Variants in GUCY1A2 observed in about 807,000 individuals in gnomAD.
The protein encoded by GUCY1A2 is guanylate cyclase 1 soluble subunit alpha 2, also known as guanylate cyclase soluble subunit alpha-2.
In GUCY1A2, 27 loss-of-function variants were observed where a neutral mutation model predicts 63.5. The ratio of observed to expected loss-of-function variants is 0.43; its 90% CI spans 0.31 to 0.59. The LOEUF (loss-of-function observed/expected upper bound fraction) is 0.59. Among genes scored for constraint, GUCY1A2 ranks in the 20% least tolerant of loss-of-function variants. The pLI, the probability that GUCY1A2 is intolerant of heterozygous loss-of-function variation, is 0.11. For synonymous variants in GUCY1A2, 364 were observed against 343.5 expected (o/e 1.06, Z -0.66); for missense variants, 768 against 913.3 (o/e 0.84, Z 2.05).
chr11:106,820,880 GTTTA>G (rs1412286684), intron 4 of GUCY1A2, among the ~76,000 whole-genome samples: 1 of 152,050 alleles, frequency 6.6e-6, no homozygotes, highest in East Asian at 1.9e-4. Context: ...AATTCATATT[GTTTA>G]TTCATTAAAT....
intron 4 of GUCY1A2, among the ~76,000 whole-genome samples, chr11:106,921,661 A>G (rs996784815): frequency 2.0e-5 from 3 of 151,904 alleles, no homozygotes; most frequent in Non-Finnish European, 4.4e-5. Context: ...TAGTAATTTT[A>G]CCCCCTAGGG....
chr11:106,864,034 G>T (rs1000447682), intron 4 of GUCY1A2, among the ~76,000 whole-genome samples: 3 of 151,938 alleles, frequency 2.0e-5, no homozygotes, highest in Non-Finnish European at 4.4e-5. Context: ...GGGCATCTTT[G>T]AGACAGGGCA....
At chr11:106,981,227 A>G (rs910459900) in intron 2 of GUCY1A2, among the ~76,000 whole-genome samples, 7 of 152,224 alleles carry the variant, frequency 4.6e-5, no homozygotes, top group Admixed American at 1.3e-4. Flanking sequence ...TGTTTCTCAG[A>G]GTAATCAGAA....
chr11:106,707,439 C>G (rs112670365), intron 7 of GUCY1A2, among the ~76,000 whole-genome samples: 77 of 151,994 alleles, frequency 5.1e-4, no homozygotes, highest in South Asian at 1.0e-3. Flanking sequence ...ACTATTCCTA[C>G]TATACATTTT....
chr11:106,720,678 A>AAAAT (rs1351053652), intron 6 of GUCY1A2, among the ~76,000 whole-genome samples: 9 of 152,196 alleles, frequency 5.9e-5, no homozygotes, highest in Non-Finnish European at 8.8e-5. Context: ...AAGATTTTGA[A>AAAAT]AAATAACAGA....
At chr11:106,716,428 T>G (rs1390063537) in intron 6 of GUCY1A2, among the ~76,000 whole-genome samples, 1 of 152,178 alleles carries the variant, frequency 6.6e-6, no homozygotes, top group Non-Finnish European at 1.5e-5. Flanking sequence ...GTGCAGACTT[T>G]ATATCCAATC....
In GUCY1A2 at chr11:106,753,325, C is replaced by T. The variant is rs919616774; in HGVS notation, c.1836+23114G>A. On this transcript the variant is annotated intron_variant, in intron 6 of 7. Coordinates refer to ENST00000526355, the MANE Select transcript of GUCY1A2 (RefSeq NM_000855.3). Reference sequence around the variant, plus strand: ...TCTCCCATTCTGTAGGTTGCCTGTTCACTCTGCTGATAGTTTCTTTTGCTG... The same window carrying T: ...TCTCCCATTCTGTAGGTTGCCTGTTTACTCTGCTGATAGTTTCTTTTGCTG... Among the ~76,000 whole-genome samples, 3 of 152,148 alleles carry T rather than the reference C, an allele frequency of 2.0e-5. No individual in the cohort carries two copies. In the East Asian group the frequency reaches 5.8e-4, roughly 29 times the overall value.
At chr11:106,920,141 G>T (rs1029492747) in intron 4 of GUCY1A2, among the ~76,000 whole-genome samples, 1 of 148,218 alleles carries the variant, frequency 6.7e-6, no homozygotes, top group Non-Finnish European at 1.5e-5. Flanking sequence ...TACATTAGGG[G>T]AACGCCATTA....
intron 4 of GUCY1A2, among the ~76,000 whole-genome samples, chr11:106,875,078 A>T (rs901890873): frequency 3.3e-5 from 5 of 152,176 alleles, no homozygotes; most frequent in Admixed American, 2.0e-4. Flanking sequence ...ATATGAAAAG[A>T]TTTATCAACC....
chr11:106,973,897 A>T (rs187749056), intron 3 of GUCY1A2, among the ~76,000 whole-genome samples: 1 of 152,248 alleles, frequency 6.6e-6, no homozygotes, highest in African/African-American at 2.4e-5. Context: ...CTAAGTATGT[A>T]CTTGATATAA....
chr11:106,776,325 C>T (rs928460471), intron 6 of GUCY1A2, 114 bp downstream of exon 6: 1 of 764,352 alleles, frequency 1.3e-6, no homozygotes, highest in Non-Finnish European at 2.2e-6. Context: ...CCTCCTTAAG[C>T]ACCCAACTTG....
intron 1 of GUCY1A2, among the ~76,000 whole-genome samples, chr11:107,009,665 A>T (rs542258840): frequency 6.6e-6 from 1 of 152,354 alleles, no homozygotes; most frequent in African/African-American, 2.4e-5. Context: ...CCATACAACC[A>T]GTAAGATTAT....
rs529701353 is a variant in GUCY1A2 at position 106,742,029 on chromosome 11, C to T, written c.1837-33363G>A. Among the ~76,000 whole-genome samples the T allele has an allele frequency of 3.3e-5, 5 of 152,228 alleles. No individual in the cohort carries two copies. In the South Asian group the frequency reaches 8.3e-4, roughly 25 times the overall value. ...TTATCACTTGATTAAAAATATGACC[C>T]CACTATACCTACTTAGTATTACTTA... On this transcript the variant is annotated intron_variant, in intron 6 of 7. Transcript: ENST00000526355.
chr11:106,733,014 C>T (rs1398892042), intron 6 of GUCY1A2, among the ~76,000 whole-genome samples: 1 of 152,140 alleles, frequency 6.6e-6, no homozygotes, highest in African/African-American at 2.4e-5. Flanking sequence ...TAATCACAGA[C>T]AACTGTAATC....
At chr11:106,862,782 T>C (rs1859531352) in intron 4 of GUCY1A2, among the ~76,000 whole-genome samples, 1 of 152,046 alleles carries the variant, frequency 6.6e-6, no homozygotes, top group Non-Finnish European at 1.5e-5. Flanking sequence ...TGTAAACGAC[T>C]CTGTTCTAAC....
At chr11:106,814,723 T>C (rs1214001152) in intron 4 of GUCY1A2, among the ~76,000 whole-genome samples, 2 of 151,932 alleles carry the variant, frequency 1.3e-5, no homozygotes, top group Non-Finnish European at 2.9e-5. Context: ...ACATAACCTC[T>C]GAAAATTACA....
chr11:106,745,362 T>G (rs956232268), intron 6 of GUCY1A2, among the ~76,000 whole-genome samples: 1 of 152,262 alleles, frequency 6.6e-6, no homozygotes, highest in Admixed American at 6.5e-5. Context: ...CTTTGTCTAA[T>G]TGGTTCTCCA....
intron 1 of GUCY1A2, among the ~76,000 whole-genome samples, chr11:107,015,015 T>C (rs149150921): frequency 6.9e-4 from 105 of 152,352 alleles, no homozygotes; most frequent in African/African-American, 2.4e-3. Context: ...ATGAATCTAC[T>C]GGAACTTTTT....
In GUCY1A2 at chr11:106,827,943, T is replaced by C. The variant is rs113406179; in HGVS notation, c.1207-17465A>G. The stretch of plus-strand genomic sequence containing the variant: ...ATATCGCGGCGGAACAGCGAGACTC[T>C]GGACTCCAGGAGAGGAAGCAGCCGC... On this transcript the variant is annotated intron_variant, in intron 4 of 7. Transcript: ENST00000526355. 3.2e-3 allele frequency: 3,568 copies of C among 1,112,480 alleles called. 88 individuals are homozygous for C. The African/African-American group carries it at 0.046, about 14-fold the overall frequency. 68.9% of individuals were successfully genotyped at this position (1,112,480 alleles called of 1,614,324 possible).
Sources: allele counts gnomAD v4.1 joint callset (sites outside exome capture counted in the v4.1 genomes callset), GRCh38; gene constraint gnomAD v4.1.1; transcripts MANE v1.5; gene names NCBI Gene and HGNC (gene_info 2026-07-23, HGNC 2026-07-21).